TGS1: variants seen among roughly 807,000 people sequenced by gnomAD.
The protein encoded by TGS1 is trimethylguanosine synthase 1.
TGS1 carries 69 observed loss-of-function variants against 92.2 expected under a neutral mutation model. The observed-to-expected ratio is 0.75, with a 90% CI of 0.62 to 0.91. The LOEUF is 0.91. Ranked by LOEUF, TGS1 falls within the 40% of genes least tolerant of loss-of-function variation. The pLI, the probability that TGS1 is intolerant of heterozygous loss-of-function variation, is 0.00. For synonymous variants in TGS1, 345 were observed against 338.1 expected (o/e 1.02, Z -0.22); for missense variants, 1,062 against 1,001.2 (o/e 1.06, Z -0.82).
At position 55,778,593 on chromosome 8, in the gene TGS1, A is replaced by G. The variant is rs144748878; in HGVS notation, c.102-4155A>G. ...ATATGATACAACGAAATTGTTTGAT[A>G]TGTTTTCCCCCCAACAGGTTCCTGA... On this transcript the variant is annotated intron_variant, in intron 1 of 12. Coordinates refer to ENST00000260129, the MANE Select transcript of TGS1 (RefSeq NM_024831.8). Among the ~76,000 whole-genome samples, 39 of 152,294 alleles carry G rather than the reference A, an allele frequency of 2.6e-4. No individual in the cohort carries two copies. The East Asian group carries it at 5.2e-3, about 20-fold the overall frequency.
intron 1 of TGS1, 104 bp from the exon 2 acceptor site, chr8:55,782,644 T>A: frequency 1.2e-6 from 1 of 840,914 alleles, no homozygotes; most frequent in Non-Finnish European, 1.8e-6. Context: ...GCTTTTCTGT[T>A]TCATAAGCTT....
At position 55,786,777 on chromosome 8, in the gene TGS1, A is replaced by C. The variant is rs761627593; in HGVS notation, c.879A>C (p.Val293=). 1 of 1,614,058 alleles carries C rather than the reference A, an allele frequency of 6.2e-7. No homozygotes were observed. The highest frequency in any genetic ancestry group is 1.3e-5 in the African/African-American group (1 of 74,938). Residue 293 remains valine, a synonymous_variant, in exon 4 of 13, where the codon GTA becomes GTC. Coordinates refer to ENST00000260129, the MANE Select transcript of TGS1 (RefSeq NM_024831.8). ...AAAAATGCATGAAAGTTGACTTAGT[A>C]TCTTTTCCATCTTCACCTATTATGG... is the stretch of plus-strand genomic sequence containing the variant. The part of the protein sequence containing the change: ...NDEKCMKVDL[V]SFPSSPIMVD...
chr8:55,773,580 C>T lies in TGS1; in HGVS notation c.-39C>T. 11 of 1,547,754 alleles carry T rather than the reference C, an allele frequency of 7.1e-6. No individual in the cohort carries two copies. The highest frequency in any genetic ancestry group is 9.7e-6 in the Non-Finnish European group (11 of 1,134,934). ...CGAGCGGAGGCCCGGCAGGCGCGACCCGGGCTGCGTACGTCAGAGCTGCCT... is the reference window on the plus strand; with the variant it reads ...CGAGCGGAGGCCCGGCAGGCGCGACTCGGGCTGCGTACGTCAGAGCTGCCT... On this transcript the variant is annotated 5_prime_UTR_variant, in exon 1 of 13. Coordinates refer to ENST00000260129, the MANE Select transcript of TGS1 (RefSeq NM_024831.8).
intron 1 of TGS1, among the ~76,000 whole-genome samples, chr8:55,777,843 C>G (rs1470839140): frequency 6.6e-6 from 1 of 152,082 alleles, no homozygotes; most frequent in South Asian, 2.1e-4. Flanking sequence ...TGATTACTAT[C>G]GCAATTATCC....
intron 2 of TGS1, among the ~76,000 whole-genome samples, chr8:55,783,754 A>G (rs1334194494): frequency 6.6e-6 from 1 of 151,978 alleles, no homozygotes; most frequent in Middle Eastern, 3.2e-3. Context: ...ACCTTCGGAA[A>G]CCCTTTAACT....
chr8:55,782,325 G>A (rs1427510663), intron 1 of TGS1, among the ~76,000 whole-genome samples: 1 of 152,042 alleles, frequency 6.6e-6, no homozygotes, highest in East Asian at 1.9e-4. Flanking sequence ...GGGATTGTAG[G>A]CGCCTGCCAC....
rs1433582743 is a variant in TGS1 at position 55,824,669 on chromosome 8, G to T, written c.2528G>T (p.Gly843Val). The change falls in exon 13 of 13, where the codon GGT (glycine) becomes GTT (valine). Residue 843 changes from glycine to valine, a missense_variant. By Grantham distance (109) the Gly-to-Val change is moderately radical. Coordinates refer to ENST00000260129, the MANE Select transcript of TGS1 (RefSeq NM_024831.8). Reference sequence around the variant, plus strand: ...TTGAAGACAATCACTGCATATTTTGGTGACCTAATTCGAAGACCAGCCTCT... The same window carrying T: ...TTGAAGACAATCACTGCATATTTTGTTGACCTAATTCGAAGACCAGCCTCT... ...NKLKTITAYF[G>V]DLIRRPASET 1.2e-6 allele frequency: 2 copies of T among 1,614,184 alleles called. No individual in the cohort carries two copies. The highest frequency in any genetic ancestry group is 2.2e-5 in the South Asian group (2 of 91,088).
intron 10 of TGS1, among the ~76,000 whole-genome samples, chr8:55,807,148 T>G (rs1051240088): frequency 6.6e-6 from 1 of 152,062 alleles, no homozygotes; most frequent in Non-Finnish European, 1.5e-5. Flanking sequence ...CAGGATGGTC[T>G]TGATCTCCTG....
In TGS1 at chr8:55,824,838, G is replaced by T; in HGVS notation, c.*135G>T. 4.2e-6 allele frequency: 4 copies of T among 948,034 alleles called. No individual in the cohort carries two copies. Among genetic ancestry groups the T allele is most frequent in the South Asian group, 3.7e-5 (2 of 54,064 alleles). The allele number at this position is 948,034 out of a possible 1,614,324, so 58.7% of individuals were successfully genotyped here. A position where few individuals can be genotyped will look rare whatever the true frequency, so the allele number is the denominator to read the frequency against. ...CACCGTATGAAATGGAAACTTACAG[G>T]ACTTAAATATCAGTGAAATATTTTG... On this transcript the variant is annotated 3_prime_UTR_variant, in exon 13 of 13. Transcript: ENST00000260129.
At position 55,782,780 on chromosome 8, in the gene TGS1, G is replaced by A. The variant is rs758827626; in HGVS notation, c.134G>A (p.Gly45Asp). 4 of 1,610,648 alleles carry A rather than the reference G, an allele frequency of 2.5e-6. No homozygotes were observed. The highest frequency in any genetic ancestry group is 1.7e-4 in the Middle Eastern group (1 of 6,040). The change falls in exon 2 of 13, where the codon GGC becomes GAC. Residue 45 changes from glycine to aspartate, a missense_variant. Physicochemically the swap from Gly to Asp is moderately conservative, Grantham distance 94 (BLOSUM62 -1). Transcript: ENST00000260129. ...AAATTGTACAATTTGGGATTAAAAG[G>A]CTATTACATCAGAGACAGTGGCAAC... Reference protein sequence around the residue: ...DRKLYNLGLKGYYIRDSGNNS... With the variant: ...DRKLYNLGLKDYYIRDSGNNS...
At chr8:55,818,753 A>C (rs1803550475) in intron 12 of TGS1, among the ~76,000 whole-genome samples, 1 of 152,190 alleles carries the variant, frequency 6.6e-6, no homozygotes, top group African/African-American at 2.4e-5. Context: ...TTTCTCCGTA[A>C]ATGATGGAGA....
In TGS1 at chr8:55,801,332, G is replaced by A. The variant is rs557969987; in HGVS notation, c.1850-1125G>A. Among the ~76,000 whole-genome samples, 88 of 152,126 alleles carry A rather than the reference G, an allele frequency of 5.8e-4. 1 individual carries two copies. The Middle Eastern group carries it at 0.01, about 18-fold the overall frequency. On this transcript the variant is annotated intron_variant, in intron 8 of 12. Coordinates refer to ENST00000260129, the MANE Select transcript of TGS1 (RefSeq NM_024831.8). ...GTTGCCCAGGCTGGAGTGCAATGGC[G>A]CATTCTCAGCTCACTGCAACCTCCG...
chr8:55,823,238 T>C (rs1437764844), intron 12 of TGS1, among the ~76,000 whole-genome samples: 1 of 152,216 alleles, frequency 6.6e-6, no homozygotes, highest in Non-Finnish European at 1.5e-5. Context: ...AAACCTTATC[T>C]GTATAAGAAC....
chr8:55,803,514 G>A (rs1453894773), intron 9 of TGS1, among the ~76,000 whole-genome samples: 1 of 152,002 alleles, frequency 6.6e-6, no homozygotes, highest in Admixed American at 6.6e-5. Flanking sequence ...AAGTACGTAG[G>A]AATTTGTAAG....
intron 12 of TGS1, among the ~76,000 whole-genome samples, chr8:55,813,786 T>C (rs529744063): frequency 6.6e-6 from 1 of 152,322 alleles, no homozygotes; most frequent in South Asian, 2.1e-4. Context: ...CTATATTTTC[T>C]AGTGTTTGTC....
At chr8:55,798,846 TA>T in intron 7 of TGS1, 67 bp from the exon 8 acceptor site, 1 of 1,283,080 alleles carries the variant, frequency 7.8e-7, no homozygotes. Context: ...TCACAAATTG[TA>T]ATAGGTAGGA....
chr8:55,806,630 C>G (rs1812381200), intron 10 of TGS1, among the ~76,000 whole-genome samples: 1 of 151,972 alleles, frequency 6.6e-6, no homozygotes, highest in South Asian at 2.1e-4. Context: ...CACAAGAGAT[C>G]AGGGCTCCTA....
rs769149695 is a variant in TGS1 at position 55,786,458 on chromosome 8, C to G, written c.560C>G (p.Thr187Arg). Residue 187 changes from threonine (T) to arginine (R), a missense_variant, in exon 4 of 13, where the codon ACA becomes AGA. Transcript: ENST00000260129. ...TETENPPVEN[T>R]LSPKLEITEK... The stretch of plus-strand genomic sequence containing the variant: ...ACAGAAAATCCTCCAGTTGAAAACA[C>G]ATTATCTCCAAAGCTAGAAATTACA... 5.6e-6 allele frequency: 9 copies of G among 1,613,918 alleles called. No homozygotes were observed. Among genetic ancestry groups the G allele is most frequent in the Non-Finnish European group, 7.6e-6 (9 of 1,179,936 alleles).
At chr8:55,813,999 G>C (rs1803405022) in intron 12 of TGS1, among the ~76,000 whole-genome samples, 1 of 152,126 alleles carries the variant, frequency 6.6e-6, no homozygotes, top group South Asian at 2.1e-4. Flanking sequence ...CCAGGCTGGA[G>C]TGCAATGGCC....
Sources: allele counts gnomAD v4.1 joint callset (sites outside exome capture counted in the v4.1 genomes callset), GRCh38; gene constraint gnomAD v4.1.1; transcripts MANE v1.5; gene names NCBI Gene and HGNC (gene_info 2026-07-23, HGNC 2026-07-21).